The following INSR variants were observed in gnomAD, a reference collection of about 807,000 sequenced individuals.
INSR encodes the protein IR.
Under a neutral mutation model 142.6 loss-of-function variants are expected in INSR, and 67 were observed. That is an observed-to-expected ratio of 0.47 (90% CI 0.39 to 0.58). INSR has a LOEUF of 0.58. Ranked by LOEUF, INSR falls within the 20% of genes least tolerant of loss-of-function variation. INSR has a pLI of 0.00. For synonymous variants in INSR, 756 were observed against 743.1 expected, an observed-to-expected ratio of 1.02 and a Z score of -0.28; for missense variants, 1,248 against 1,833.2, an observed-to-expected ratio of 0.68 and a Z score of 5.83.
chr19:7,226,591 G>A (rs997654849), intron 2 of INSR, among the ~76,000 whole-genome samples: 4 of 151,678 alleles, frequency 2.6e-5, no homozygotes, highest in South Asian at 2.1e-4. Context: ...AGCCAGGTGC[G>A]ATGGTGTACA....
chr19:7,268,606 A>G (rs1967813913), intron 1 of INSR: 1 of 984,954 alleles, frequency 1.0e-6, no homozygotes. Context: ...CTCTTGCACA[A>G]CTCCAAGACT....
intron 2 of INSR, among the ~76,000 whole-genome samples, chr19:7,245,451 C>T (rs1976511668): frequency 6.6e-6 from 1 of 151,820 alleles, no homozygotes; most frequent in Non-Finnish European, 1.5e-5. Context: ...ACACAGTGAG[C>T]CCCCATTCTT....
chr19:7,180,021 C>T (rs1042502343), intron 3 of INSR, among the ~76,000 whole-genome samples: 1 of 152,294 alleles, frequency 6.6e-6, no homozygotes, highest in Middle Eastern at 3.4e-3. Flanking sequence ...TGGAGAGAGA[C>T]CCCCACTGAC....
chr19:7,266,337 T>C (rs1967724585), intron 2 of INSR, among the ~76,000 whole-genome samples: 2 of 152,064 alleles, frequency 1.3e-5, no homozygotes, highest in Non-Finnish European at 2.9e-5. Context: ...GATAAAGCTT[T>C]GACTCTAAAA....
chr19:7,126,199 C>G (rs1054878096), intron 16 of INSR, among the ~76,000 whole-genome samples: 2 of 152,194 alleles, frequency 1.3e-5, no homozygotes, highest in Non-Finnish European at 2.9e-5. Flanking sequence ...CTTGGGACCA[C>G]CCAGCCTACT....
At chr19:7,264,280 C>T (rs1977156070) in intron 2 of INSR, among the ~76,000 whole-genome samples, 1 of 151,970 alleles carries the variant, frequency 6.6e-6, no homozygotes, top group African/African-American at 2.4e-5. Flanking sequence ...TTGCAGTGAG[C>T]CGAGATTGTG....
chr19:7,230,569 G>A (rs964716379), intron 2 of INSR, among the ~76,000 whole-genome samples: 1 of 152,160 alleles, frequency 6.6e-6, no homozygotes, highest in Non-Finnish European at 1.5e-5. Context: ...CACTTTGGGA[G>A]GCCAAGGCAG....
At chr19:7,255,537 T>TCTTC (rs1976862702) in intron 2 of INSR, among the ~76,000 whole-genome samples, 1 of 141,096 alleles carries the variant, frequency 7.1e-6, no homozygotes, top group African/African-American at 2.6e-5. Flanking sequence ...TTGTCTTTTC[T>TCTTC]CTTTCTTTCT....
intron 2 of INSR, among the ~76,000 whole-genome samples, chr19:7,258,113 A>T (rs531822211): frequency 9.2e-5 from 14 of 152,308 alleles, no homozygotes; most frequent in Admixed American, 7.8e-4. Context: ...GGCATGAGCC[A>T]CCATGCCCGG....
At chr19:7,186,574 C>A (rs1348334687) in intron 2 of INSR, among the ~76,000 whole-genome samples, 3 of 152,112 alleles carry the variant, frequency 2.0e-5, no homozygotes. Context: ...GCTATGCAAC[C>A]ATCACCACCA....
Position 7,269,147 on chromosome 19 carries a change from C to T in INSR, c.101-1251G>A, listed in dbSNP as rs192438035. Among the ~76,000 whole-genome samples, 504 of 149,068 alleles carry T rather than the reference C, an allele frequency of 3.4e-3. 3 individuals are homozygous for T. Among genetic ancestry groups the T allele is most frequent in the Non-Finnish European group, 5.7e-3 (384 of 67,586 alleles). ...CCCCTGCTTATTTTGTTCCAAAACA[C>T]TAAACCTTCCACCAATATCTTTGAG... On this transcript the variant is annotated intron_variant, in intron 1 of 21. Transcript: ENST00000302850.
chr19:7,181,658 C>A (rs894288780), intron 3 of INSR, among the ~76,000 whole-genome samples: 1 of 151,670 alleles, frequency 6.6e-6, no homozygotes, highest in African/African-American at 2.4e-5. Flanking sequence ...CAACCTCTGC[C>A]TCCTGGGTTC....
In INSR at chr19:7,119,687, CACATGCCAACACAT is replaced by C; in HGVS notation, c.3660-118_3660-105del. The C allele has an allele frequency of 4.1e-6, 5 of 1,222,744 alleles. No homozygotes were observed. Among genetic ancestry groups the C allele is most frequent in the African/African-American group, 1.5e-5 (1 of 67,438 alleles). 75.7% of individuals were successfully genotyped at this position (1,222,744 alleles called of 1,614,324 possible). On this transcript the variant is annotated intron_variant, in intron 20 of 21. Transcript: ENST00000302850. The surrounding 1 kb of genome is among the most constrained non-coding windows in gnomAD (Gnocchi z 5.2). ...GCAAACGCACACACACACGCAAACA[CACATGCCAACACAT>C]ACATGCAAACACACACATGCAAACA...
At chr19:7,158,238 C>G (rs988118742) in intron 9 of INSR, among the ~76,000 whole-genome samples, 1 of 151,932 alleles carries the variant, frequency 6.6e-6, no homozygotes, top group South Asian at 2.1e-4. Flanking sequence ...CGGTGACTCA[C>G]GCCTGTAATC....
At chr19:7,179,423 GA>G (rs1379503737) in intron 3 of INSR, among the ~76,000 whole-genome samples, 3 of 152,234 alleles carry the variant, frequency 2.0e-5, no homozygotes, top group Admixed American at 1.3e-4. Context: ...GATGGTGTCA[GA>G]ACGGTGTTGC....
chr19:7,252,086 C>T lies in INSR; in HGVS notation c.652+15259G>A, dbSNP rs936594601. Among the ~76,000 whole-genome samples, 4 of 152,016 alleles carry T rather than the reference C, an allele frequency of 2.6e-5. No individual in the cohort carries two copies. In the East Asian group the frequency reaches 7.7e-4, roughly 29 times the overall value. On this transcript the variant is annotated intron_variant, in intron 2 of 21. Transcript: ENST00000302850. Reference sequence around the variant, plus strand: ...GTCCGGAGTTCAAGACCAGCCTGGCCAACATGGCGAAACCCTGTCTCTACT... The same window carrying T: ...GTCCGGAGTTCAAGACCAGCCTGGCTAACATGGCGAAACCCTGTCTCTACT...
At chr19:7,186,903 C>T (rs1974447245) in intron 2 of INSR, among the ~76,000 whole-genome samples, 2 of 151,314 alleles carry the variant, frequency 1.3e-5, no homozygotes, top group African/African-American at 4.9e-5. Context: ...TGGGGTTTCA[C>T]CATGTTGGCC....
At chr19:7,135,492 A>G (rs1972898663) in intron 13 of INSR, among the ~76,000 whole-genome samples, 1 of 149,610 alleles carries the variant, frequency 6.7e-6, no homozygotes, top group South Asian at 2.1e-4. Flanking sequence ...CAGCCTGGGC[A>G]ACAAAGCAAG....
rs1424523294 is a variant in INSR, at chr19:7,146,236, C to CCTTTTTTT, written c.2268-3147_2268-3146insAAAAAAAG. On this transcript the variant is annotated intron_variant, in intron 11 of 21. Coordinates refer to ENST00000302850, the MANE Select transcript of INSR (RefSeq NM_000208.4). ...TTCAGTGCAGTATCTTTGTCAAGTT[C>CCTTTTTTT]TTTTTTTTTTTTTTTTTTTTTTGAG... Among the ~76,000 whole-genome samples, 23 of 110,758 alleles carry CCTTTTTTT rather than the reference C, an allele frequency of 2.1e-4. 9 individuals are homozygous for CCTTTTTTT. Among genetic ancestry groups the CCTTTTTTT allele is most frequent in the South Asian group, 3.0e-4 (1 of 3,388 alleles). 72.7% of individuals were successfully genotyped at this position (110,758 alleles called of 152,430 possible).
Sources: allele counts gnomAD v4.1 joint callset (sites outside exome capture counted in the v4.1 genomes callset), GRCh38; gene constraint gnomAD v4.1.1; non-coding constraint Gnocchi (gnomAD v3.1); transcripts MANE v1.5; gene names NCBI Gene and HGNC (gene_info 2026-07-23, HGNC 2026-07-21).